SYNE2: variants seen among roughly 807,000 people sequenced by gnomAD.
SYNE2 encodes the protein nesprin-2.
In SYNE2, 431 loss-of-function variants were observed where a neutral mutation model predicts 856.3. The ratio of observed to expected loss-of-function variants is 0.50; its 90% confidence interval spans 0.47 to 0.55. SYNE2 has a LOEUF of 0.55. Among genes scored for constraint, SYNE2 ranks in the 20% least tolerant of loss-of-function variants. The pLI is 0.00. For missense variants in SYNE2, 8,129 were observed against 8,023.2 expected (o/e 1.01, Z -0.50); for synonymous variants, 2,923 against 2,872.3 (o/e 1.02, Z -0.56).
At chr14:63,990,134 T>C (rs2096655874) in intron 19 of SYNE2, among the ~76,000 whole-genome samples, 2 of 152,222 alleles carry the variant, frequency 1.3e-5, no homozygotes. Flanking sequence ...TTTATTACCA[T>C]TGTCTCAAGT....
chr14:63,783,208 T>A (rs1442137189), intron 1 of SYNE2, among the ~76,000 whole-genome samples: 2 of 152,186 alleles, frequency 1.3e-5, no homozygotes, highest in East Asian at 3.8e-4. Context: ...GATCGTTTTA[T>A]AAGTGTTTGG....
chr14:63,781,204 G>A (rs1887292710), intron 1 of SYNE2, among the ~76,000 whole-genome samples: 2 of 151,778 alleles, frequency 1.3e-5, no homozygotes, highest in Admixed American at 1.3e-4. Context: ...CTTGAACCCA[G>A]GAGGCAGAGG....
chr14:63,941,958 G>A lies in SYNE2; in HGVS notation c.311G>A (p.Arg104Gln), dbSNP rs767367300. The change falls in exon 5 of 116, where the codon CGA becomes CAA. Residue 104 changes from arginine to glutamine, a missense_variant. Arg to Gln is a conservative substitution (Grantham distance 43). Around this residue, in one of 3 missense-constraint regions of SYNE2, gnomAD observed 2,422 missense variants for 2,357.4 expected, o/e 1.03. Coordinates refer to ENST00000555002, the MANE Select transcript of SYNE2 (RefSeq NM_182914.3). ...IEHALTFLRN[R>Q]SIKLINIHVT... ...CATGCCTTGACATTCCTAAGAAACC[G>A]ATCAGTAAGTATAAATTTTTCTTAA... is the stretch of plus-strand genomic sequence containing the variant. 11 of 1,611,710 alleles carry A rather than the reference G, an allele frequency of 6.8e-6. No individual in the cohort carries two copies. Among genetic ancestry groups the A allele is most frequent in the Admixed American group, 6.7e-5 (4 of 59,992 alleles).
intron 31 of SYNE2, among the ~76,000 whole-genome samples, 157 bp from the exon 32 acceptor site, chr14:64,009,809 A>G (rs2096829597): frequency 6.6e-6 from 1 of 152,190 alleles, no homozygotes; most frequent in African/African-American, 2.4e-5. Context: ...TTGATGTGCC[A>G]TCATTCTTAG....
intron 90 of SYNE2, among the ~76,000 whole-genome samples, chr14:64,165,795 T>C (rs1567521113): frequency 6.6e-6 from 1 of 152,230 alleles, no homozygotes; most frequent in Non-Finnish European, 1.5e-5. Flanking sequence ...ATTACAGGCC[T>C]GAGCCACTGC....
At chr14:63,886,980 A>G (rs1383937148) in intron 1 of SYNE2, among the ~76,000 whole-genome samples, 1 of 152,182 alleles carries the variant, frequency 6.6e-6, no homozygotes, top group Non-Finnish European at 1.5e-5. Flanking sequence ...TAATGAATTT[A>G]TAAAGAAAAA....
chr14:64,178,962 A>C (rs2098446468), intron 96 of SYNE2, among the ~76,000 whole-genome samples: 2 of 152,056 alleles, frequency 1.3e-5, no homozygotes, highest in South Asian at 4.1e-4. Context: ...CTGTGATCCT[A>C]GCCACTGGGG....
At chr14:64,107,455 G>A (rs781456432) in intron 64 of SYNE2, 36 bp from the exon 65 acceptor site, 1 of 1,566,556 alleles carries the variant, frequency 6.4e-7, no homozygotes, top group South Asian at 1.1e-5. Flanking sequence ...CACCAGGGCA[G>A]GACCCTTTCT....
rs1221311156 is a variant in SYNE2 at position 63,995,148 on chromosome 14, A to G, written c.2886A>G (p.Lys962=). The change falls in exon 23 of 116, where the codon AAA becomes AAG. Residue 962 remains lysine (K), a synonymous_variant. Coordinates refer to ENST00000555002, the MANE Select transcript of SYNE2 (RefSeq NM_182914.3). ...NILKLEKQIN[K]EKKLIRRGRT... is the part of the protein sequence containing the mutation. ...TAAAACTTGAAAAGCAAATAAATAA[A>G]GAAAAGAAACTTATCCGTAGAGGAA... is the stretch of plus-strand genomic sequence containing the variant. 3 of 1,605,696 alleles carry G rather than the reference A, an allele frequency of 1.9e-6. No homozygotes were observed. The highest frequency in any genetic ancestry group is 2.6e-6 in the Non-Finnish European group (3 of 1,176,224).
intron 85 of SYNE2, among the ~76,000 whole-genome samples, chr14:64,153,256 A>G (rs1482727658): frequency 6.6e-6 from 1 of 152,244 alleles, no homozygotes; most frequent in African/African-American, 2.4e-5. Flanking sequence ...TGTCAATGTC[A>G]GCATTTTACC....
chr14:63,934,422 C>T (rs1261651589), intron 2 of SYNE2, among the ~76,000 whole-genome samples: 1 of 151,930 alleles, frequency 6.6e-6, no homozygotes, highest in Non-Finnish European at 1.5e-5. Flanking sequence ...ATTATGTGCT[C>T]CATTTGAACA....
At chr14:63,781,056 T>C (rs965982940) in intron 1 of SYNE2, among the ~76,000 whole-genome samples, 12 of 152,034 alleles carry the variant, frequency 7.9e-5, no homozygotes, top group Non-Finnish European at 1.8e-4. Flanking sequence ...GTGGGCGGAT[T>C]ACCTGAGGTC....
At chr14:63,992,136 G>A (rs1278330370) in intron 21 of SYNE2, among the ~76,000 whole-genome samples, 1 of 151,568 alleles carries the variant, frequency 6.6e-6, no homozygotes, top group Non-Finnish European at 1.5e-5. Flanking sequence ...TTTACTCCTA[G>A]GTTCCTGAAA....
At chr14:63,819,144 AAAAG>A in intron 1 of SYNE2, among the ~76,000 whole-genome samples, 1 of 152,304 alleles carries the variant, frequency 6.6e-6, no homozygotes, top group East Asian at 1.9e-4. Flanking sequence ...GACATTAAAA[AAAAG>A]AAAGTTACTA....
chr14:64,140,929 G>GAAAA (rs1163067240), intron 80 of SYNE2, among the ~76,000 whole-genome samples: 1 of 151,452 alleles, frequency 6.6e-6, no homozygotes, highest in African/African-American at 2.4e-5. Flanking sequence ...TCGTAGCTAT[G>GAAAA]ATTACTAACT....
chr14:64,113,804 A>T (rs2097831950), intron 66 of SYNE2, among the ~76,000 whole-genome samples: 1 of 152,220 alleles, frequency 6.6e-6, no homozygotes, highest in African/African-American at 2.4e-5. Flanking sequence ...GCTCTGTCAC[A>T]TTAGCTGTGA....
intron 83 of SYNE2, among the ~76,000 whole-genome samples, chr14:64,145,304 G>A (rs572394570): frequency 7.9e-5 from 12 of 151,948 alleles, no homozygotes; most frequent in African/African-American, 1.9e-4. Flanking sequence ...TTGGGAGGCC[G>A]AGGCGGGCAG....
At chr14:64,091,635 G>A (rs2097615693) in intron 60 of SYNE2, among the ~76,000 whole-genome samples, 1 of 152,162 alleles carries the variant, frequency 6.6e-6, no homozygotes, top group Admixed American at 6.5e-5. Flanking sequence ...CTCCCCAGAG[G>A]GGTTTTGTGT....
At chr14:64,218,569 G>T in intron 109 of SYNE2, 57 bp downstream of exon 109, 1 of 1,527,828 alleles carries the variant, frequency 6.5e-7, no homozygotes. Context: ...TTAAGTCCTT[G>T]CTCAAGAGAA....
Sources: gnomAD v4.1 joint callset for allele counts (sites outside exome capture counted in the v4.1 genomes callset) on GRCh38, gnomAD v4.1.1 for gene constraint, gnomAD v4.1.1 regional missense constraint, MANE v1.5 for transcripts, NCBI Gene and HGNC (gene_info 2026-07-23, HGNC 2026-07-21) for gene names.